The following LOXHD1 variants were observed in gnomAD, a reference collection of about 807,000 sequenced individuals.
LOXHD1 encodes the protein lipoxygenase homology domain-containing protein 1.
Under a neutral mutation model 248.2 loss-of-function variants are expected in LOXHD1, and 205 were observed. The observed-to-expected ratio is 0.83, with a 90% CI of 0.74 to 0.93. The LOEUF (loss-of-function observed/expected upper bound fraction) is 0.93. LOXHD1 is among the 40% of genes least tolerant of loss of function. The pLI is 0.00. For missense variants in LOXHD1, 2,930 were observed against 2,971.6 expected (o/e 0.99, Z 0.33); for synonymous variants, 1,113 against 1,162.8 (o/e 0.96, Z 0.87).
intron 5 of LOXHD1, among the ~76,000 whole-genome samples, chr18:46,611,261 G>C (rs1168768946): frequency 6.6e-6 from 1 of 152,216 alleles, no homozygotes; most frequent in African/African-American, 2.4e-5. Context: ...AGCCACAGCA[G>C]TTGGTAAAGG....
chr18:46,538,074 G>A (rs920091128), intron 26 of LOXHD1, 82 bp downstream of exon 26: 6 of 1,242,622 alleles, frequency 4.8e-6, no homozygotes, highest in Admixed American at 2.2e-5. Flanking sequence ...TGAAGGGCAT[G>A]TGTTCTGCCC....
At chr18:46,586,647 C>T (rs2038067103) in intron 12 of LOXHD1, among the ~76,000 whole-genome samples, 1 of 152,056 alleles carries the variant, frequency 6.6e-6, no homozygotes, top group Admixed American at 6.6e-5. Flanking sequence ...GGGGTTTCAC[C>T]ATGTAGGCCA....
chr18:46,612,447 TG>T (rs1432479541), intron 5 of LOXHD1, among the ~76,000 whole-genome samples: 1 of 152,204 alleles, frequency 6.6e-6, no homozygotes, highest in Non-Finnish European at 1.5e-5. Flanking sequence ...AGTTTTAATT[TG>T]CATTCCCCTG....
At chr18:46,595,042 C>T (rs2038236804) in intron 8 of LOXHD1, among the ~76,000 whole-genome samples, 1 of 152,230 alleles carries the variant, frequency 6.6e-6, no homozygotes. Flanking sequence ...TTTTGACTCT[C>T]ACATTACTGG....
chr18:46,541,925 C>T lies in LOXHD1; in HGVS notation c.3764G>A (p.Trp1255Ter). The T allele has an allele frequency of 6.4e-7, 1 of 1,551,454 alleles. No homozygotes were observed. Among genetic ancestry groups the T allele is most frequent in the Non-Finnish European group, 8.7e-7 (1 of 1,146,854 alleles). Residue 1255 changes from tryptophan (W) to a stop codon, truncating the protein, a stop_gained, in exon 25 of 41, where the codon TGG becomes TAG. Coordinates refer to ENST00000642948, the MANE Select transcript of LOXHD1 (RefSeq NM_001384474.1). LOFTEE classifies it high-confidence loss of function. Reference protein sequence around the residue: ...GHDNTGKAPGWFVDWVEVDAP... With the variant: ...GHDNTGKAPG The stretch of plus-strand genomic sequence containing the variant: ...ATCCACCTCTACCCAGTCTACAAAC[C>T]AGCCTGGGGCCTTGCCTAGAGAGAG...
At chr18:46,613,280 T>G (rs969962226) in intron 5 of LOXHD1, among the ~76,000 whole-genome samples, 6 of 152,154 alleles carry the variant, frequency 3.9e-5, no homozygotes, top group African/African-American at 1.4e-4. Flanking sequence ...CAATAAAAAT[T>G]TATAGTTTTC....
chr18:46,590,226 C>T (rs2038140608), intron 12 of LOXHD1, among the ~76,000 whole-genome samples: 1 of 152,050 alleles, frequency 6.6e-6, no homozygotes, highest in Non-Finnish European at 1.5e-5. Flanking sequence ...AGAAACTCTG[C>T]AAGTGGAGCC....
At chr18:46,538,944 A>G (rs1598950021) in intron 25 of LOXHD1, among the ~76,000 whole-genome samples, 2 of 152,168 alleles carry the variant, frequency 1.3e-5, no homozygotes, top group East Asian at 1.9e-4. Flanking sequence ...CCGTCACATT[A>G]CACACATCTT....
chr18:46,600,505 G>A (rs2038317701), intron 8 of LOXHD1, among the ~76,000 whole-genome samples: 2 of 152,196 alleles, frequency 1.3e-5, no homozygotes, highest in Admixed American at 6.5e-5. Flanking sequence ...GGCTGAGGCA[G>A]GAGAATCACT....
At chr18:46,494,166 A>G (rs1024908583) in intron 37 of LOXHD1, among the ~76,000 whole-genome samples, 10 of 152,192 alleles carry the variant, frequency 6.6e-5, no homozygotes, top group African/African-American at 2.4e-4. Flanking sequence ...TATTCAGGTC[A>G]TGACTATGCA....
intron 1 of LOXHD1, among the ~76,000 whole-genome samples, chr18:46,655,876 G>A (rs1433832252): frequency 6.6e-6 from 1 of 152,232 alleles, no homozygotes; most frequent in South Asian, 2.1e-4. Flanking sequence ...GATGTAATCA[G>A]GGAACTCATG....
chr18:46,649,401 AG>A, intron 1 of LOXHD1, 132 bp from the exon 2 acceptor site: 1 of 701,376 alleles, frequency 1.4e-6, no homozygotes, highest in Non-Finnish European at 2.4e-6. Context: ...TGCATCCTGT[AG>A]GCCTCTGAGC....
At position 46,534,492 on chromosome 18, in the gene LOXHD1, T is replaced by A. The variant is rs1223210649; in HGVS notation, c.4096-41A>T. On this transcript the variant is annotated intron_variant, in intron 26 of 40. Coordinates refer to ENST00000642948, the MANE Select transcript of LOXHD1 (RefSeq NM_001384474.1). The stretch of plus-strand genomic sequence containing the variant: ...AAGGCACTGAATGTTAGCTGAAAGA[T>A]CCAGGAAAGTATGGCCTTGGCAACA... 5 of 1,478,320 alleles carry A rather than the reference T, an allele frequency of 3.4e-6. No homozygotes were observed. In the East Asian group the frequency reaches 9.9e-5, roughly 29 times the overall value. The allele number at this position is 1,478,320 out of a possible 1,614,324, so 91.6% of individuals were successfully genotyped here. A position where few individuals can be genotyped will look rare whatever the true frequency, so the allele number is the denominator to read the frequency against.
chr18:46,586,490 G>A (rs1316847808), intron 12 of LOXHD1, among the ~76,000 whole-genome samples: 7 of 152,160 alleles, frequency 4.6e-5, no homozygotes, highest in African/African-American at 1.7e-4. Flanking sequence ...TTGTTGCCCA[G>A]GCTGGAGTGC....
intron 40 of LOXHD1, among the ~76,000 whole-genome samples, chr18:46,479,238 G>GTA (rs2032328950): frequency 6.9e-6 from 1 of 144,498 alleles, no homozygotes; most frequent in Non-Finnish European, 1.5e-5. Context: ...ATATATGTAT[G>GTA]TGTGTGTGTG....
In LOXHD1 at chr18:46,596,830, A is replaced by C. The variant is rs115668916; in HGVS notation, c.1135-2364T>G. The stretch of plus-strand genomic sequence containing the variant: ...CAGAAGATACTGGGGAGGAAAACTC[A>C]ATATAGAATTCTGTACCGTAAAATT... On this transcript the variant is annotated intron_variant, in intron 8 of 40. Transcript: ENST00000642948. Among the ~76,000 whole-genome samples, 370 of 152,332 alleles carry C rather than the reference A, an allele frequency of 2.4e-3. 3 individuals are homozygous for C. The highest frequency in any genetic ancestry group is 8.2e-3 in the African/African-American group (343 of 41,584).
At position 46,485,086 on chromosome 18, in the gene LOXHD1, C is replaced by CCAG; in HGVS notation, c.6112_6114dup (p.Leu2038dup). The CCAG allele has an allele frequency of 1.3e-6, 2 of 1,550,772 alleles. No homozygotes were observed. Among genetic ancestry groups the CCAG allele is most frequent in the Non-Finnish European group, 1.7e-6 (2 of 1,146,754 alleles). On this transcript the variant is annotated inframe_insertion, in exon 39 of 41. Transcript: ENST00000642948. ...TCTTTGGATCGGTTCTTCCTGCCCTCCAGGATGAGCCAGACGTTCTCCCTG... is the reference window on the plus strand; with the variant it reads ...TCTTTGGATCGGTTCTTCCTGCCCTCCAGCAGGATGAGCCAGACGTTCTCCCTG...
intron 31 of LOXHD1, 107 bp from the exon 32 acceptor site, chr18:46,522,416 C>A: frequency 1.1e-6 from 1 of 885,866 alleles, no homozygotes; most frequent in Non-Finnish European, 1.7e-6. Flanking sequence ...GATCTCAGCT[C>A]CTTGCTCAGA....
At chr18:46,637,963 C>T (rs2144371822) in intron 4 of LOXHD1, among the ~76,000 whole-genome samples, 1 of 152,190 alleles carries the variant, frequency 6.6e-6, no homozygotes, top group Admixed American at 6.5e-5. Flanking sequence ...TTTATAATAG[C>T]ATTGTTATAA....
Sources: allele counts gnomAD v4.1 joint callset (sites outside exome capture counted in the v4.1 genomes callset), GRCh38; gene constraint gnomAD v4.1.1; transcripts MANE v1.5; gene names NCBI Gene and HGNC (gene_info 2026-07-23, HGNC 2026-07-21).